The following DUS4L variants were observed in gnomAD, a reference collection of about 807,000 sequenced individuals.
The protein encoded by DUS4L is dihydrouridine synthase 4 like.
A neutral mutation model predicts 33.8 loss-of-function variants in DUS4L; 31 were observed. The ratio of observed to expected loss-of-function variants is 0.92; its 90% CI spans 0.69 to 1.24. The LOEUF (loss-of-function observed/expected upper bound fraction) is 1.24, where lower values mean the gene tolerates loss of function less well. DUS4L is among the 50% of genes most tolerant of loss of function. The pLI is 0.00. For missense variants in DUS4L, 368 were observed against 388.6 expected, an observed-to-expected ratio of 0.95 and a Z score of 0.45; for synonymous variants, 103 against 120.3, an observed-to-expected ratio of 0.86 and a Z score of 0.94.
In DUS4L at chr7:107,577,510, T is replaced by A; in HGVS notation, c.904T>A (p.Ser302Thr). The change falls in exon 8 of 8, where the codon TCA becomes ACA. Residue 302 changes from serine (S) to threonine (T), a missense_variant. Ser to Thr is a moderately conservative substitution (Grantham distance 58, BLOSUM62 1). Transcript: ENST00000265720. The stretch of plus-strand genomic sequence containing the variant: ...GGAAAAAAGGGTATTTAATGCTCTG[T>A]CAAGCACATCAGCAATCATAGATTA... ...RQEKRVFNALSSTSAIIDYLT... is the reference protein window; with the variant it reads ...RQEKRVFNALTSTSAIIDYLT... 1 of 1,614,140 alleles carries A rather than the reference T, an allele frequency of 6.2e-7. No homozygotes were observed. Among genetic ancestry groups the A allele is most frequent in the Middle Eastern group, 1.7e-4 (1 of 6,046 alleles).
intron 4 of DUS4L, 23 bp from the exon 5 acceptor site, chr7:107,573,681 T>C: frequency 6.2e-7 from 1 of 1,600,356 alleles, no homozygotes; most frequent in Non-Finnish European, 8.5e-7. Flanking sequence ...TGAATTTTAA[T>C]GTTGAGCTAT....
intron 2 of DUS4L, among the ~76,000 whole-genome samples, chr7:107,565,556 CT>C (rs1352177523): frequency 6.6e-6 from 1 of 152,158 alleles, no homozygotes; most frequent in Non-Finnish European, 1.5e-5. Flanking sequence ...TGGGGTCTAG[CT>C]CTGTTACCCA....
At position 107,569,723 on chromosome 7, in the gene DUS4L, T is replaced by G. The variant is rs577262468; in HGVS notation, c.117-1422T>G. On this transcript the variant is annotated intron_variant, in intron 3 of 7. Transcript: ENST00000265720. ...TTAATTTTTGGTGTTCACATGTTTATTGCTAGCACATAGAAATAGATTTTT... is the reference window on the plus strand; with the variant it reads ...TTAATTTTTGGTGTTCACATGTTTAGTGCTAGCACATAGAAATAGATTTTT... 2.0e-5 allele frequency among the ~76,000 whole-genome samples: 3 copies of G among 152,374 alleles called. No individual in the cohort carries two copies. The South Asian group carries it at 6.2e-4, about 32-fold the overall frequency.
At chr7:107,576,127 AG>A (rs1805718297) in intron 6 of DUS4L, among the ~76,000 whole-genome samples, 1 of 152,268 alleles carries the variant, frequency 6.6e-6, no homozygotes, top group Admixed American at 6.5e-5. Context: ...AAAACATAGA[AG>A]CACTAGGTCT....
chr7:107,577,559 G>C lies in DUS4L; in HGVS notation c.953G>C (p.Ter318SerextTer12), dbSNP rs1421228079. The change falls in exon 8 of 8, where the codon TGA (stop) becomes TCA (serine). Residue 318 changes from the stop codon to serine, a stop_lost. Coordinates refer to ENST00000265720, the MANE Select transcript of DUS4L (RefSeq NM_181581.3). The stretch of plus-strand genomic sequence containing the variant: ...TACCTTACAGACCATTATGGCATTT[G>C]ACTAGACTTCCCAAATAATTTTAAT... ...IDYLTDHYGI[*>S] The C allele has an allele frequency of 6.2e-7, 1 of 1,610,088 alleles. No homozygotes were observed. Among genetic ancestry groups the C allele is most frequent in the Non-Finnish European group, 8.5e-7 (1 of 1,177,888 alleles).
intron 2 of DUS4L, among the ~76,000 whole-genome samples, chr7:107,565,151 C>G (rs1044248910): frequency 7.2e-5 from 11 of 152,198 alleles, no homozygotes; most frequent in Middle Eastern, 3.4e-3. Flanking sequence ...TTTATTCCCC[C>G]CAGTGGAAGA....
intron 4 of DUS4L, among the ~76,000 whole-genome samples, chr7:107,572,841 T>TAA (rs1250824985): frequency 7.3e-6 from 1 of 137,846 alleles, no homozygotes; most frequent in African/African-American, 3.0e-5. Flanking sequence ...AGACTCTGTC[T>TAA]CAAAAAAAAA....
At chr7:107,568,615 A>G (rs902771126) in intron 3 of DUS4L, among the ~76,000 whole-genome samples, 1 of 152,182 alleles carries the variant, frequency 6.6e-6, no homozygotes, top group Non-Finnish European at 1.5e-5. Flanking sequence ...CTCCCTGTAT[A>G]TGGCTTGTCT....
Position 107,577,589 on chromosome 7 carries a change from A to G in DUS4L, c.*29A>G, listed in dbSNP as rs779469779. On this transcript the variant is annotated 3_prime_UTR_variant, in exon 8 of 8. Transcript: ENST00000265720. The stretch of plus-strand genomic sequence containing the variant: ...GACTTCCCAAATAATTTTAATATAT[A>G]CTTTTAGACCCACAGTGAAACCACA... 1.5e-5 allele frequency: 24 copies of G among 1,594,494 alleles called. No homozygotes were observed. In the Admixed American group the frequency reaches 3.9e-4, roughly 26 times the overall value.
At chr7:107,575,460 A>G (rs973293339) in intron 6 of DUS4L, 150 bp downstream of exon 6, 1 of 820,872 alleles carries the variant, frequency 1.2e-6, no homozygotes, top group African/African-American at 1.8e-5. Flanking sequence ...ATTTAGTAAA[A>G]GAATATATAC....
At chr7:107,567,273 A>G (rs560362034) in intron 3 of DUS4L, 87 bp downstream of exon 3, 19 of 1,063,534 alleles carry the variant, frequency 1.8e-5, no homozygotes, top group Non-Finnish European at 2.2e-5. Context: ...ACCACCCACC[A>G]TATGGGAACT....
Position 107,569,796 on chromosome 7 carries a change from T to C in DUS4L, c.117-1349T>C, listed in dbSNP as rs140755763. ...AAACTTGCTAAACTCACTTGTTGGT[T>C]CTAGTTTTTTTGTAAATTCCTTCAG... is the stretch of plus-strand genomic sequence containing the variant. On this transcript the variant is annotated intron_variant, in intron 3 of 7. Transcript: ENST00000265720. 2.0e-4 allele frequency among the ~76,000 whole-genome samples: 30 copies of C among 152,376 alleles called. No homozygotes were observed. In the East Asian group the frequency reaches 5.8e-3, roughly 29 times the overall value.
chr7:107,567,061 A>C lies in DUS4L; in HGVS notation c.-10A>C, dbSNP rs777299916. The C allele has an allele frequency of 6.2e-7, 1 of 1,602,284 alleles. No individual in the cohort carries two copies. The highest frequency in any genetic ancestry group is 2.2e-5 in the East Asian group (1 of 44,754). ...ATTGTCTTTTTCAGATTTGAAACAT[A>C]TCTGTATTAATGAAGAGTGACTGCA... On this transcript the variant is annotated 5_prime_UTR_variant, in exon 3 of 8. Transcript: ENST00000265720.
intron 1 of DUS4L, 43 bp from the exon 2 acceptor site, chr7:107,564,545 C>G (rs1804399701): frequency 6.5e-6 from 1 of 153,066 alleles, no homozygotes; most frequent in African/African-American, 2.4e-5. Flanking sequence ...TCCTTCCTTC[C>G]CATGAGACCT....
At chr7:107,572,890 T>C (rs980411039) in intron 4 of DUS4L, among the ~76,000 whole-genome samples, 6 of 150,784 alleles carry the variant, frequency 4.0e-5, no homozygotes, top group Admixed American at 1.3e-4. Flanking sequence ...ACAAATATAC[T>C]CAAAGACAAA....
rs146003696 is a variant in DUS4L, at chr7:107,577,681, C to T, written c.*121C>T. The T allele has an allele frequency of 4.5e-3, 5,292 of 1,165,970 alleles. 24 individuals carry two copies. The highest frequency in any genetic ancestry group is 8.0e-3 in the Middle Eastern group (27 of 3,380). 72.2% of individuals were successfully genotyped at this position (1,165,970 alleles called of 1,614,324 possible). On this transcript the variant is annotated 3_prime_UTR_variant, in exon 8 of 8. Transcript: ENST00000265720. Reference sequence around the variant, plus strand: ...TTAGTATAAAAACAATTCCTGGGAGCGTTTTTTAAAAATCAGTTGTAGACA... The same window carrying T: ...TTAGTATAAAAACAATTCCTGGGAGTGTTTTTTAAAAATCAGTTGTAGACA...
At chr7:107,574,366 G>A (rs1469548198) in intron 5 of DUS4L, among the ~76,000 whole-genome samples, 1 of 52,978 alleles carries the variant, frequency 1.9e-5, no homozygotes, top group African/African-American at 7.4e-5. Flanking sequence ...TTTTTTTTTT[G>A]AGACAAGAGT....
intron 4 of DUS4L, among the ~76,000 whole-genome samples, chr7:107,573,031 G>A (rs1805402575): frequency 6.6e-6 from 1 of 151,714 alleles, no homozygotes; most frequent in Non-Finnish European, 1.5e-5. Flanking sequence ...AATATGAAGA[G>A]AGCTCACAAA....
At chr7:107,573,605 G>T (rs770892111) in intron 4 of DUS4L, 99 bp from the exon 5 acceptor site, 1 of 1,161,982 alleles carries the variant, frequency 8.6e-7, no homozygotes, top group Non-Finnish European at 1.1e-6. Flanking sequence ...CTAAAAAATC[G>T]TTATTGCTAT....
Sources: allele counts gnomAD v4.1 joint callset (sites outside exome capture counted in the v4.1 genomes callset), GRCh38; gene constraint gnomAD v4.1.1; transcripts MANE v1.5; gene names NCBI Gene and HGNC (gene_info 2026-07-23, HGNC 2026-07-21).